Variants in MNAT1 observed in about 807,000 individuals in gnomAD.
The protein encoded by MNAT1 is MNAT1 component of CDK activating kinase.
Under a neutral mutation model 42.0 loss-of-function variants are expected in MNAT1, and 43 were observed. The ratio of observed to expected loss-of-function variants is 1.02; its 90% CI spans 0.80 to 1.32. MNAT1 has a LOEUF of 1.32. Among genes scored for constraint, MNAT1 ranks in the 40% most tolerant of loss-of-function variants. MNAT1 has a pLI of 0.00. For synonymous variants in MNAT1, 118 were observed against 120.0 expected (o/e 0.98, Z 0.11); for missense variants, 306 against 350.4 (o/e 0.87, Z 1.01).
chr14:60,902,761 T>C (rs2035097678), intron 7 of MNAT1, among the ~76,000 whole-genome samples: 1 of 152,146 alleles, frequency 6.6e-6, no homozygotes. Context: ...AAATTAATTT[T>C]CATTATATTC....
chr14:60,924,883 C>G (rs183062634), intron 7 of MNAT1, among the ~76,000 whole-genome samples: 170 of 152,338 alleles, frequency 1.1e-3, no homozygotes, highest in Admixed American at 2.6e-3. Context: ...TTAGCTCACA[C>G]ATGAATGGTA....
chr14:60,834,674 C>A (rs933504512), intron 6 of MNAT1, among the ~76,000 whole-genome samples: 1 of 152,144 alleles, frequency 6.6e-6, no homozygotes, highest in Admixed American at 6.5e-5. Flanking sequence ...TCTGTTAGGT[C>A]CACTTTCTCT....
chr14:60,798,179 G>A lies in MNAT1; in HGVS notation c.316+19G>A. ...GAAATTGGTACGTTTTTAATTTGAT[G>A]TATGCTAGCCTATAAGACCATGTGC... On this transcript the variant is annotated intron_variant, in intron 3 of 7. Transcript: ENST00000261245. 1 of 1,303,232 alleles carries A rather than the reference G, an allele frequency of 7.7e-7. No homozygotes were observed. The highest frequency in any genetic ancestry group is 1.1e-6 in the Non-Finnish European group (1 of 901,388). The allele number at this position is 1,303,232 out of a possible 1,614,324, so 80.7% of individuals were successfully genotyped here. A position where few individuals can be genotyped will look rare whatever the true frequency, so the allele number is the denominator to read the frequency against.
At chr14:60,876,691 C>G (rs949427091) in intron 6 of MNAT1, among the ~76,000 whole-genome samples, 2 of 151,948 alleles carry the variant, frequency 1.3e-5, no homozygotes, top group African/African-American at 4.8e-5. Flanking sequence ...CCTTTTATGC[C>G]TGGCTTATTT....
chr14:60,829,228 A>C (rs1259792535), intron 6 of MNAT1, among the ~76,000 whole-genome samples: 1 of 152,136 alleles, frequency 6.6e-6, no homozygotes, highest in East Asian at 1.9e-4. Flanking sequence ...ACAAAAAGAC[A>C]CCATTTTGGA....
chr14:60,893,633 T>C (rs1485572903), intron 7 of MNAT1, among the ~76,000 whole-genome samples: 1 of 152,174 alleles, frequency 6.6e-6, no homozygotes, highest in Non-Finnish European at 1.5e-5. Context: ...GTTGCTCCAG[T>C]TCCTATCAAT....
chr14:60,791,666 G>A (rs994438275), intron 1 of MNAT1, among the ~76,000 whole-genome samples: 5 of 152,126 alleles, frequency 3.3e-5, no homozygotes, highest in Non-Finnish European at 7.4e-5. Context: ...ACTGGATCCC[G>A]TGGCTAATTG....
intron 6 of MNAT1, among the ~76,000 whole-genome samples, chr14:60,842,127 T>C (rs1239901668): frequency 6.6e-6 from 1 of 152,254 alleles, no homozygotes; most frequent in East Asian, 1.9e-4. Context: ...TAAAGTTTTA[T>C]TGTAACATAG....
chr14:60,838,207 C>A (rs974860541), intron 6 of MNAT1, among the ~76,000 whole-genome samples: 1 of 151,982 alleles, frequency 6.6e-6, no homozygotes, highest in African/African-American at 2.4e-5. Context: ...GCGATCACTG[C>A]TCAATGCAGG....
chr14:60,926,369 T>A (rs1486792597), intron 7 of MNAT1, among the ~76,000 whole-genome samples: 1 of 152,128 alleles, frequency 6.6e-6, no homozygotes, highest in Non-Finnish European at 1.5e-5. Context: ...ATACCACAGG[T>A]TAAGGGCTCA....
chr14:60,840,873 C>T (rs2033529889), intron 6 of MNAT1, among the ~76,000 whole-genome samples: 1 of 152,106 alleles, frequency 6.6e-6, no homozygotes, highest in Non-Finnish European at 1.5e-5. Context: ...CTGTATTAGC[C>T]AGGATGGTTT....
chr14:60,777,420 A>G (rs547483429), intron 1 of MNAT1, among the ~76,000 whole-genome samples: 8 of 152,122 alleles, frequency 5.3e-5, no homozygotes, highest in African/African-American at 1.7e-4. Context: ...CCTCGTCTTT[A>G]CTTGTACCCC....
intron 6 of MNAT1, among the ~76,000 whole-genome samples, chr14:60,879,159 A>G (rs185729355): frequency 5.8e-4 from 88 of 152,126 alleles, no homozygotes; most frequent in Middle Eastern, 3.4e-3. Context: ...TCTTTGGGGC[A>G]TTGTCCCCAT....
At chr14:60,812,264 A>T in intron 5 of MNAT1, 137 bp downstream of exon 5, 1 of 755,976 alleles carries the variant, frequency 1.3e-6, no homozygotes, top group East Asian at 2.9e-5. Flanking sequence ...TTGGTTATGT[A>T]TTGATATCAG....
rs1348615357 is a variant in MNAT1 at position 60,747,016 on chromosome 14, C to T, written c.89+12065C>T. 2.1e-4 allele frequency among the ~76,000 whole-genome samples: 30 copies of T among 139,794 alleles called. No homozygotes were observed. The East Asian group carries it at 3.2e-3, about 15-fold the overall frequency. The allele number at this position is 139,794 out of a possible 152,430, so 91.7% of individuals were successfully genotyped here. On this transcript the variant is annotated intron_variant, in intron 1 of 7. Transcript: ENST00000261245. ...TTTTTTTTTTTTTGAGACAGAGTCT[C>T]GCTCTGTCGCCCAGTCTGGAGTACA...
At chr14:60,942,003 C>CAAAAAAAAAAAAAAAAA in intron 7 of MNAT1, among the ~76,000 whole-genome samples, 1 of 29,940 alleles carries the variant, frequency 3.3e-5, no homozygotes, top group Non-Finnish European at 5.1e-5. Context: ...GGCTCCATCT[C>CAAAAAAAAAAAAAAAAA]AAAAAAAAAA....
intron 7 of MNAT1, among the ~76,000 whole-genome samples, chr14:60,936,803 C>T (rs1472282465): frequency 2.6e-5 from 4 of 152,126 alleles, no homozygotes; most frequent in African/African-American, 4.8e-5. Flanking sequence ...GTTGCCACAC[C>T]GACTTCCACA....
intron 7 of MNAT1, among the ~76,000 whole-genome samples, chr14:60,940,290 T>G (rs1438038603): frequency 1.3e-5 from 2 of 152,230 alleles, no homozygotes; most frequent in Non-Finnish European, 2.9e-5. Context: ...GTTAGCTGGT[T>G]ATTTTGCTCA....
At chr14:60,889,217 A>T (rs1049951064) in intron 7 of MNAT1, among the ~76,000 whole-genome samples, 24 of 152,230 alleles carry the variant, frequency 1.6e-4, no homozygotes, top group African/African-American at 5.8e-4. Flanking sequence ...AGGCTACAGT[A>T]ACCAAAACGG....
Sources: allele counts gnomAD v4.1 joint callset (sites outside exome capture counted in the v4.1 genomes callset), GRCh38; gene constraint gnomAD v4.1.1; transcripts MANE v1.5; gene names NCBI Gene and HGNC (gene_info 2026-07-23, HGNC 2026-07-21).